MICAL3: variants seen among roughly 807,000 people sequenced by gnomAD.
The protein encoded by MICAL3 is [F-actin]-monooxygenase MICAL3.
In MICAL3, 62 loss-of-function variants were observed where a neutral mutation model predicts 207.4. That is an observed-to-expected ratio of 0.30 (90% CI 0.24 to 0.37). The LOEUF is 0.37. Ranked by LOEUF, MICAL3 falls within the 10% of genes least tolerant of loss-of-function variation. The probability of loss-of-function intolerance (pLI) is 1.00; values close to 1 mark genes in which losing one functional copy is unlikely to be tolerated. For missense variants in MICAL3, 2,368 were observed against 2,635.6 expected (o/e 0.90, Z 2.22); for synonymous variants, 1,077 against 1,069.3 (o/e 1.01, Z -0.14).
intron 1 of MICAL3, among the ~76,000 whole-genome samples, chr22:17,928,528 C>A (rs1350676478): frequency 6.6e-6 from 1 of 152,060 alleles, no homozygotes; most frequent in East Asian, 1.9e-4. Flanking sequence ...GTGGTGAACA[C>A]ATTCACTCAC....
chr22:17,851,740 C>T (rs894177234), intron 19 of MICAL3, among the ~76,000 whole-genome samples: 1 of 152,224 alleles, frequency 6.6e-6, no homozygotes, highest in Non-Finnish European at 1.5e-5. Flanking sequence ...GTTCTCACAG[C>T]ACTCAGGAGA....
intron 7 of MICAL3, 141 bp from the exon 8 acceptor site, chr22:17,897,122 A>T: frequency 1.1e-6 from 1 of 876,474 alleles, no homozygotes; most frequent in South Asian, 1.7e-5. Context: ...ATACCATTAA[A>T]ATGGGCGGGG....
intron 20 of MICAL3, chr22:17,834,596 T>C (rs533284184): frequency 1.2e-5 from 14 of 1,120,322 alleles, no homozygotes; most frequent in Non-Finnish European, 1.1e-5. Context: ...CAAAAGCTCC[T>C]TATTCTCAAG....
chr22:17,871,740 G>T, intron 17 of MICAL3, 97 bp downstream of exon 17: 2 of 1,110,452 alleles, frequency 1.8e-6, no homozygotes, highest in Non-Finnish European at 2.5e-6. Context: ...AGACGCACAT[G>T]GAATAAGGCA....
At chr22:17,933,041 T>C (rs1385160018) in intron 1 of MICAL3, among the ~76,000 whole-genome samples, 4 of 152,194 alleles carry the variant, frequency 2.6e-5, no homozygotes, top group Non-Finnish European at 5.9e-5. Context: ...AACACCCCAC[T>C]GTCAATATTA....
At chr22:17,918,232 G>A (rs1429434245) in intron 1 of MICAL3, among the ~76,000 whole-genome samples, 6 of 151,928 alleles carry the variant, frequency 3.9e-5, no homozygotes, top group Admixed American at 2.0e-4. Context: ...AGTGAGCTAC[G>A]ATCATGCCAC....
At chr22:17,795,740 C>T (rs753275295) in intron 29 of MICAL3, among the ~76,000 whole-genome samples, 1 of 152,254 alleles carries the variant, frequency 6.6e-6, no homozygotes, top group Non-Finnish European at 1.5e-5. Flanking sequence ...TACCTTCGGA[C>T]TTCCCTGTAC....
chr22:17,849,688 ATTTTTT>A (rs57344653), intron 19 of MICAL3, among the ~76,000 whole-genome samples: 7 of 36,280 alleles, frequency 1.9e-4, no homozygotes, highest in Non-Finnish European at 2.4e-4. Context: ...GTGTGTGTGT[ATTTTTT>A]TTTTTTTTTT....
intron 16 of MICAL3, chr22:17,875,682 T>TAAAAAAA (rs60415785): frequency 5.9e-5 from 10 of 170,774 alleles, no homozygotes; most frequent in East Asian, 1.8e-4. Context: ...CCATGTATAG[T>TAAAAAAA]AAAAAAAAAA....
intron 1 of MICAL3, among the ~76,000 whole-genome samples, chr22:17,941,931 C>A (rs184867411): frequency 6.6e-6 from 1 of 152,298 alleles, no homozygotes; most frequent in East Asian, 1.9e-4. Context: ...GCACAGGCAG[C>A]GGAACAGGCA....
At chr22:17,808,476 A>G (rs1019551631) in intron 29 of MICAL3, among the ~76,000 whole-genome samples, 11 of 152,180 alleles carry the variant, frequency 7.2e-5, no homozygotes, top group Non-Finnish European at 7.3e-5. Flanking sequence ...GGACCTGCTC[A>G]GTGCAATTCT....
intron 22 of MICAL3, chr22:17,826,559 A>T: frequency 1.1e-6 from 1 of 948,406 alleles, no homozygotes. Flanking sequence ...ACACAGCAAT[A>T]TGCGTTCCCA....
chr22:17,945,184 T>C (rs559862528), intron 1 of MICAL3, among the ~76,000 whole-genome samples: 5 of 152,234 alleles, frequency 3.3e-5, no homozygotes, highest in South Asian at 2.1e-4. Context: ...TCACACACCA[T>C]TTCAGCCTTT....
intron 19 of MICAL3, chr22:17,858,560 G>T: frequency 1.6e-6 from 1 of 614,904 alleles, no homozygotes; most frequent in Non-Finnish European, 2.0e-6. Flanking sequence ...GTCCTATACG[G>T]CATCATCCTG....
At chr22:17,866,668 T>TAGAATAGAATATAGA (rs796572705) in intron 17 of MICAL3, among the ~76,000 whole-genome samples, 2 of 81,966 alleles carry the variant, frequency 2.4e-5, no homozygotes, top group Admixed American at 1.1e-4. Context: ...TAGAATAGAA[T>TAGAATAGAATATAGA]ATAGAATAGA....
At chr22:17,973,867 G>C (rs1326600635) in intron 1 of MICAL3, among the ~76,000 whole-genome samples, 1 of 152,162 alleles carries the variant, frequency 6.6e-6, no homozygotes, top group African/African-American at 2.4e-5. Context: ...GCTGCAGTAA[G>C]CTGTGGTCGC....
intron 17 of MICAL3, among the ~76,000 whole-genome samples, chr22:17,869,100 T>C (rs987548656): frequency 6.6e-6 from 1 of 152,112 alleles, no homozygotes; most frequent in Non-Finnish European, 1.5e-5. Flanking sequence ...AAGGGAGCAG[T>C]GGCTTCATCA....
rs145823304 is a variant in MICAL3 at position 17,931,569 on chromosome 22, G to A, written c.-74-24683C>T. On this transcript the variant is annotated intron_variant, in intron 1 of 31. Transcript: ENST00000441493. ...AAACTACCAGCAAGCTACCAACTCC[G>A]TGGAACCAGGTCCAGAGTGACTTGT... Among the ~76,000 whole-genome samples, 360 of 152,310 alleles carry A rather than the reference G, an allele frequency of 2.4e-3. 2 individuals are homozygous for A. Among genetic ancestry groups the A allele is most frequent in the Non-Finnish European group, 2.6e-3 (178 of 68,028 alleles).
intron 27 of MICAL3, chr22:17,811,029 C>T (rs1183319851): frequency 3.8e-6 from 2 of 528,466 alleles, no homozygotes; most frequent in Non-Finnish European, 6.9e-6. Context: ...CAGCCTGCAG[C>T]AGCCCTCAGT....
Sources: gnomAD v4.1 joint callset for allele counts (sites outside exome capture counted in the v4.1 genomes callset) on GRCh38, gnomAD v4.1.1 for gene constraint, MANE v1.5 for transcripts, NCBI Gene and HGNC (gene_info 2026-07-23, HGNC 2026-07-21) for gene names.